ASTN2: variants seen among roughly 807,000 people sequenced by gnomAD.
ASTN2 encodes astrotactin 2, also known as astrotactin-2.
A neutral mutation model predicts 139.8 loss-of-function variants in ASTN2; 54 were observed. The ratio of observed to expected loss-of-function variants is 0.39; its 90% CI spans 0.31 to 0.48. ASTN2 has a LOEUF of 0.48. ASTN2 is among the 20% of genes least tolerant of loss of function. The probability of loss-of-function intolerance (pLI) is 0.95; values close to 1 mark genes in which losing one functional copy is unlikely to be tolerated. For synonymous variants in ASTN2, 756 were observed against 719.5 expected (o/e 1.05, Z -0.81); for missense variants, 1,565 against 1,725.1 (o/e 0.91, Z 1.64).
At chr9:116,489,023 CTGT>C (rs963295550) in intron 19 of ASTN2, among the ~76,000 whole-genome samples, 3 of 152,138 alleles carry the variant, frequency 2.0e-5, no homozygotes, top group Non-Finnish European at 4.4e-5. Flanking sequence ...GGCCTCTCAA[CTGT>C]TGTTTTCTTC....
chr9:116,752,437 T>C (rs891706816), intron 13 of ASTN2, among the ~76,000 whole-genome samples: 2 of 152,186 alleles, frequency 1.3e-5, no homozygotes, highest in African/African-American at 4.8e-5. Flanking sequence ...TTCTAGGAGA[T>C]AATATAGGAG....
chr9:116,930,189 C>A (rs1288284255), intron 10 of ASTN2, among the ~76,000 whole-genome samples: 1 of 152,134 alleles, frequency 6.6e-6, no homozygotes, highest in Non-Finnish European at 1.5e-5. Context: ...TGGGATGGAC[C>A]ACTTTGTTGT....
At chr9:116,474,129 G>C (rs2119024020) in intron 20 of ASTN2, among the ~76,000 whole-genome samples, 1 of 152,232 alleles carries the variant, frequency 6.6e-6, no homozygotes, top group East Asian at 1.9e-4. Context: ...AATGACCCTA[G>C]AATAGTCTGA....
chr9:117,380,497 C>T (rs1446510619), intron 1 of ASTN2, among the ~76,000 whole-genome samples: 4 of 150,694 alleles, frequency 2.7e-5, no homozygotes, highest in Admixed American at 2.0e-4. Flanking sequence ...CCCAGCTACT[C>T]GGGAGGCTGA....
chr9:116,531,312 C>A (rs1851333110), intron 19 of ASTN2, among the ~76,000 whole-genome samples: 1 of 152,158 alleles, frequency 6.6e-6, no homozygotes, highest in Non-Finnish European at 1.5e-5. Flanking sequence ...AGGGCATAAT[C>A]ACAATTCTAA....
chr9:117,088,857 G>C (rs1828633097), intron 5 of ASTN2, among the ~76,000 whole-genome samples: 1 of 152,172 alleles, frequency 6.6e-6, no homozygotes, highest in Non-Finnish European at 1.5e-5. Context: ...ACAGAGCTGG[G>C]CTGGGAGGTT....
chr9:117,095,206 G>C (rs1828810863), intron 5 of ASTN2, among the ~76,000 whole-genome samples: 1 of 152,184 alleles, frequency 6.6e-6, no homozygotes, highest in Non-Finnish European at 1.5e-5. Context: ...TGTACCCCAG[G>C]AGAGTCTCTT....
At chr9:116,506,068 G>C (rs752768706) in intron 19 of ASTN2, among the ~76,000 whole-genome samples, 1 of 152,046 alleles carries the variant, frequency 6.6e-6, no homozygotes, top group Non-Finnish European at 1.5e-5. Flanking sequence ...TACCATCATT[G>C]CCTCCCAACC....
At chr9:116,726,917 T>C (rs1316509101) in intron 15 of ASTN2, among the ~76,000 whole-genome samples, 3 of 152,116 alleles carry the variant, frequency 2.0e-5, no homozygotes, top group Admixed American at 6.5e-5. Flanking sequence ...CCACCCACAC[T>C]AAGTTTTAGC....
chr9:116,943,475 A>G (rs1376931537), intron 10 of ASTN2, among the ~76,000 whole-genome samples: 3 of 152,212 alleles, frequency 2.0e-5, no homozygotes, highest in Non-Finnish European at 2.9e-5. Context: ...GATATTGGTA[A>G]TGGTTACACA....
At chr9:116,690,738 G>A (rs1401677787) in intron 16 of ASTN2, among the ~76,000 whole-genome samples, 2 of 152,124 alleles carry the variant, frequency 1.3e-5, no homozygotes, top group Middle Eastern at 3.2e-3. Flanking sequence ...TGAGACCTTG[G>A]ACAGGCTACT....
chr9:117,115,397 G>A (rs189400245), intron 4 of ASTN2, among the ~76,000 whole-genome samples: 10 of 152,130 alleles, frequency 6.6e-5, no homozygotes, highest in Admixed American at 5.2e-4. Flanking sequence ...CATGCCTGTA[G>A]TCCCAGTTAC....
chr9:117,075,762 C>T (rs1253641750), intron 5 of ASTN2, among the ~76,000 whole-genome samples: 2 of 152,156 alleles, frequency 1.3e-5, no homozygotes, highest in African/African-American at 4.8e-5. Flanking sequence ...TGGAGTTAGA[C>T]ACAAGCTTAA....
chr9:116,655,717 C>A (rs566248141), intron 16 of ASTN2, among the ~76,000 whole-genome samples: 4 of 152,018 alleles, frequency 2.6e-5, no homozygotes, highest in Non-Finnish European at 4.4e-5. Context: ...ATATATACAG[C>A]GTCTCACTCT....
intron 13 of ASTN2, among the ~76,000 whole-genome samples, chr9:116,779,319 T>C (rs2132201209): frequency 6.6e-6 from 1 of 152,274 alleles, no homozygotes; most frequent in Middle Eastern, 3.4e-3. Flanking sequence ...CTGTCCCTTT[T>C]GCCAGGTGAG....
intron 1 of ASTN2, among the ~76,000 whole-genome samples, chr9:117,366,882 C>A (rs1408185907): frequency 1.3e-5 from 2 of 152,140 alleles, no homozygotes; most frequent in African/African-American, 4.8e-5. Flanking sequence ...TCAAGTGATT[C>A]TCCTGCCTCA....
At chr9:117,089,131 A>G (rs961262103) in intron 5 of ASTN2, among the ~76,000 whole-genome samples, 1 of 152,212 alleles carries the variant, frequency 6.6e-6, no homozygotes, top group African/African-American at 2.4e-5. Flanking sequence ...TGCTTATTCC[A>G]CACATACAGG....
At chr9:116,804,598 T>C (rs1236041577) in intron 13 of ASTN2, among the ~76,000 whole-genome samples, 1 of 152,122 alleles carries the variant, frequency 6.6e-6, no homozygotes, top group Non-Finnish European at 1.5e-5. Flanking sequence ...TTGTTAGTAG[T>C]TAGTAGTAAA....
At chr9:116,537,222 T>C (rs997823882) in intron 19 of ASTN2, among the ~76,000 whole-genome samples, 8 of 152,206 alleles carry the variant, frequency 5.3e-5, no homozygotes, top group Non-Finnish European at 8.8e-5. Flanking sequence ...ACCCATCTTC[T>C]GTGTCGCTCA....
Sources: gnomAD v4.1 joint callset for allele counts (sites outside exome capture counted in the v4.1 genomes callset) on GRCh38, gnomAD v4.1.1 for gene constraint, MANE v1.5 for transcripts, NCBI Gene and HGNC (gene_info 2026-07-23, HGNC 2026-07-21) for gene names.